Variants in PPP3CA observed in about 807,000 individuals in gnomAD.
The protein encoded by PPP3CA is CAM-PRP catalytic subunit.
A neutral mutation model predicts 66.5 loss-of-function variants in PPP3CA; 14 were observed. That is an observed-to-expected ratio of 0.21 (90% CI 0.14 to 0.33). The LOEUF is 0.33. PPP3CA is among the 10% of genes least tolerant of loss of function. The pLI, the probability that PPP3CA is intolerant of heterozygous loss-of-function variation, is 1.00. For missense variants in PPP3CA, 317 were observed against 639.5 expected (o/e 0.50, Z 5.44); for synonymous variants, 232 against 226.2 (o/e 1.03, Z -0.23).
chr4:101,040,385 T>C, intron 11 of PPP3CA, 97 bp downstream of exon 11: 2 of 804,240 alleles, frequency 2.5e-6, no homozygotes, highest in Non-Finnish European at 3.6e-6. Flanking sequence ...AAATATTCTC[T>C]AGTAAAATAT....
chr4:101,294,800 G>A lies in PPP3CA; in HGVS notation c.58+51939C>T, dbSNP rs920767146. ...ACTAGATACCAGCACTCTCTTGCTA[G>A]TTGTAGCGATGAAAAATAACTACAG... On this transcript the variant is annotated intron_variant, in intron 1 of 13. Coordinates refer to ENST00000394854, the MANE Select transcript of PPP3CA (RefSeq NM_000944.5). Among the ~76,000 whole-genome samples, 4 of 151,694 alleles carry A rather than the reference G, an allele frequency of 2.6e-5. No individual in the cohort carries two copies. In the East Asian group the frequency reaches 5.8e-4, roughly 22 times the overall value.
At chr4:101,219,137 T>C (rs1217284534) in intron 1 of PPP3CA, among the ~76,000 whole-genome samples, 1 of 152,060 alleles carries the variant, frequency 6.6e-6, no homozygotes, top group Non-Finnish European at 1.5e-5. Flanking sequence ...TGGGGCTTTA[T>C]TGTCAAAGTC....
intron 5 of PPP3CA, among the ~76,000 whole-genome samples, chr4:101,096,347 C>T (rs1730193848): frequency 6.6e-6 from 1 of 152,090 alleles, no homozygotes; most frequent in South Asian, 2.1e-4. Context: ...TCCTCAAAAC[C>T]ATGAGTTTCA....
chr4:101,214,507 T>C (rs916133904), intron 1 of PPP3CA, among the ~76,000 whole-genome samples: 2 of 152,070 alleles, frequency 1.3e-5, no homozygotes, highest in African/African-American at 2.4e-5. Context: ...TCAAGACTAA[T>C]GATAGGCCAC....
intron 2 of PPP3CA, among the ~76,000 whole-genome samples, chr4:101,126,299 G>C (rs1242339913): frequency 6.6e-6 from 1 of 152,130 alleles, no homozygotes; most frequent in East Asian, 1.9e-4. Flanking sequence ...TGTTAAAAAG[G>C]CATGGAAAAC....
chr4:101,160,123 C>T (rs776626561), intron 2 of PPP3CA, among the ~76,000 whole-genome samples: 7 of 151,450 alleles, frequency 4.6e-5, no homozygotes, highest in Non-Finnish European at 8.8e-5. Context: ...GGTTGGTGCA[C>T]GCCTGCTACA....
intron 1 of PPP3CA, among the ~76,000 whole-genome samples, chr4:101,257,330 C>CTTT (rs11314056): frequency 4.3e-5 from 6 of 138,638 alleles, no homozygotes; most frequent in Admixed American, 2.2e-4. Context: ...ATGTATGAGA[C>CTTT]TTTTTTTTTT....
chr4:101,097,275 G>A (rs528218188), intron 5 of PPP3CA, among the ~76,000 whole-genome samples: 31 of 151,892 alleles, frequency 2.0e-4, no homozygotes, highest in Non-Finnish European at 3.5e-4. Flanking sequence ...TAAAATTACT[G>A]GTGAGAATAA....
chr4:101,076,911 A>G (rs1729220998), intron 8 of PPP3CA, among the ~76,000 whole-genome samples: 1 of 152,204 alleles, frequency 6.6e-6, no homozygotes, highest in Non-Finnish European at 1.5e-5. Context: ...ATTTTTTCTC[A>G]TCTCATAGCA....
At chr4:101,086,005 CAGTATT>C (rs1286849162) in intron 6 of PPP3CA, among the ~76,000 whole-genome samples, 2 of 152,026 alleles carry the variant, frequency 1.3e-5, no homozygotes, top group Non-Finnish European at 2.9e-5. Flanking sequence ...TGTTAGAAGA[CAGTATT>C]AGCTACAGGG....
At chr4:101,218,853 T>C (rs1423079738) in intron 1 of PPP3CA, among the ~76,000 whole-genome samples, 2 of 152,050 alleles carry the variant, frequency 1.3e-5, no homozygotes, top group African/African-American at 4.8e-5. Context: ...TTCAAAAGTC[T>C]TAAAGCAGAC....
At chr4:101,319,582 T>C (rs1728978855) in intron 1 of PPP3CA, among the ~76,000 whole-genome samples, 1 of 152,136 alleles carries the variant, frequency 6.6e-6, no homozygotes, top group Non-Finnish European at 1.5e-5. Context: ...TTAGATGATA[T>C]GAAATTGGCA....
intron 1 of PPP3CA, among the ~76,000 whole-genome samples, chr4:101,341,570 A>T (rs1729819025): frequency 6.6e-6 from 1 of 152,190 alleles, no homozygotes; most frequent in African/African-American, 2.4e-5. Context: ...AATCGCCATT[A>T]CCAGGCAGTG....
intron 1 of PPP3CA, among the ~76,000 whole-genome samples, chr4:101,243,717 T>TC (rs1560677283): frequency 1.3e-5 from 2 of 152,114 alleles, no homozygotes; most frequent in African/African-American, 4.8e-5. Flanking sequence ...CTAGAACCAA[T>TC]CCCACATGGT....
intron 1 of PPP3CA, among the ~76,000 whole-genome samples, chr4:101,288,778 C>G (rs566557317): frequency 1.3e-5 from 2 of 151,798 alleles, no homozygotes; most frequent in South Asian, 4.2e-4. Context: ...TTTTTCCCCC[C>G]AAAAAATGTT....
intron 1 of PPP3CA, among the ~76,000 whole-genome samples, chr4:101,336,997 T>C (rs1020970132): frequency 3.9e-5 from 6 of 152,172 alleles, no homozygotes; most frequent in South Asian, 2.1e-4. Context: ...CCCCAGCAAA[T>C]AGAGGGTTCT....
rs535725995 is a variant in PPP3CA at position 101,324,871 on chromosome 4, T to A, written c.58+21868A>T. On this transcript the variant is annotated intron_variant, in intron 1 of 13. Coordinates refer to ENST00000394854, the MANE Select transcript of PPP3CA (RefSeq NM_000944.5). The stretch of plus-strand genomic sequence containing the variant: ...GAATTTCTTCCATCTTTGACTCTCA[T>A]TTGGCATCATTTTCAATATATGATT... Among the ~76,000 whole-genome samples, 46 of 152,346 alleles carry A rather than the reference T, an allele frequency of 3.0e-4. No individual in the cohort carries two copies. The South Asian group carries it at 9.1e-3, about 30-fold the overall frequency.
intron 1 of PPP3CA, among the ~76,000 whole-genome samples, chr4:101,340,197 A>G (rs950558649): frequency 6.6e-6 from 1 of 152,146 alleles, no homozygotes; most frequent in African/African-American, 2.4e-5. Context: ...GACAGACACA[A>G]GCAAAATTTC....
In PPP3CA at chr4:101,106,441, GAAAGAAAGAAAGAGAAA is replaced by G. The variant is rs1730710950; in HGVS notation, c.384+2496_384+2512del. 1.5e-3 allele frequency among the ~76,000 whole-genome samples: 17 copies of G among 11,302 alleles called. 1 individual carries two copies. The highest frequency in any genetic ancestry group is 1.6e-3 in the Non-Finnish European group (9 of 5,500). The allele number at this position is 11,302 out of a possible 152,430, so 7.4% of individuals were successfully genotyped here. ...AGAAAGAAAGAAAGAAAGAAAGAAA[GAAAGAAAGAAAGAGAAA>G]AGAAAAGAAAAGAAAAGAAAAGAAA... On this transcript the variant is annotated intron_variant, in intron 3 of 13. Coordinates refer to ENST00000394854, the MANE Select transcript of PPP3CA (RefSeq NM_000944.5).
Sources: allele counts gnomAD v4.1 joint callset (sites outside exome capture counted in the v4.1 genomes callset), GRCh38; gene constraint gnomAD v4.1.1; transcripts MANE v1.5; gene names NCBI Gene and HGNC (gene_info 2026-07-23, HGNC 2026-07-21).